Variants in DMXL2 observed in about 807,000 individuals in gnomAD.
DMXL2 encodes Dmx like 2, also known as dmX-like protein 2.
In DMXL2, 103 loss-of-function variants were observed where a neutral mutation model predicts 331.1. That is an observed-to-expected ratio of 0.31 (90% CI 0.27 to 0.37). DMXL2 has a LOEUF of 0.37. Ranked by LOEUF, DMXL2 falls within the 10% of genes least tolerant of loss-of-function variation. The pLI is 1.00. For synonymous variants in DMXL2, 1,281 were observed against 1,252.1 expected (o/e 1.02, Z -0.49); for missense variants, 3,171 against 3,642.9 (o/e 0.87, Z 3.33).
chr15:51,478,676 A>T (rs114975316), intron 25 of DMXL2, among the ~76,000 whole-genome samples: 3,032 of 152,120 alleles, frequency 0.02, 75 homozygotes, highest in East Asian at 0.065. Flanking sequence ...AGTAATATTT[A>T]AAAAAAAGCA....
intron 19 of DMXL2, among the ~76,000 whole-genome samples, chr15:51,494,327 G>C (rs2043012395): frequency 6.6e-6 from 1 of 152,116 alleles, no homozygotes; most frequent in African/African-American, 2.4e-5. Context: ...TAGTGTTCTA[G>C]GTTCTATAAT....
intron 18 of DMXL2, 91 bp from the exon 19 acceptor site, chr15:51,495,225 T>A: frequency 1.4e-6 from 1 of 705,736 alleles, no homozygotes; most frequent in South Asian, 2.0e-5. Flanking sequence ...AACTTAGTCA[T>A]AATTTATATA....
At chr15:51,514,619 C>T in intron 14 of DMXL2, 60 bp from the exon 15 acceptor site, 1 of 943,274 alleles carries the variant, frequency 1.1e-6, no homozygotes, top group South Asian at 1.4e-5. Context: ...CTCCCATCTC[C>T]CATCTGTCAC....
Position 51,471,393 on chromosome 15 carries a change from C to A in DMXL2, c.7222G>T (p.Val2408Phe). 6.3e-7 allele frequency: 1 copy of A among 1,594,894 alleles called. No homozygotes were observed. Among genetic ancestry groups the A allele is most frequent in the Non-Finnish European group, 8.6e-7 (1 of 1,169,582 alleles). ...RQSENISAPP[V>F]LSEDIDKHRR... ...TGTTTATCTATGTCTTCAGAAAGGA[C>A]AGGAGGTGCTAAATGAAGATAGAAG... is the stretch of plus-strand genomic sequence containing the variant. Residue 2408 changes from valine to phenylalanine, a missense_variant, in exon 29 of 44, where the codon GTC (valine) becomes TTC (phenylalanine). By Grantham distance (50) the Val-to-Phe change is conservative. Coordinates refer to ENST00000560891, the MANE Select transcript of DMXL2 (RefSeq NM_001378457.1).
At chr15:51,461,461 T>C (rs1323509028) in intron 33 of DMXL2, among the ~76,000 whole-genome samples, 1 of 152,204 alleles carries the variant, frequency 6.6e-6, no homozygotes, top group African/African-American at 2.4e-5. Context: ...TGATAAATCA[T>C]TAATTTTAAT....
At chr15:51,464,567 G>A (rs758982260) in intron 32 of DMXL2, 108 bp downstream of exon 32, 6 of 854,028 alleles carry the variant, frequency 7.0e-6, no homozygotes, top group African/African-American at 1.7e-5. Context: ...AAATAGGACT[G>A]CAGGTTCAAA....
intron 43 of DMXL2, 24 bp downstream of exon 43, chr15:51,450,105 T>C: frequency 6.2e-7 from 1 of 1,606,388 alleles, no homozygotes; most frequent in Non-Finnish European, 8.5e-7. Context: ...CTTTAGCACA[T>C]TCCAACCTCT....
At position 51,498,688 on chromosome 15, in the gene DMXL2, C is replaced by G. The variant is rs1158888374; in HGVS notation, c.4536G>C (p.Arg1512Ser). Residue 1512 changes from arginine (R) to serine (S), a missense_variant, in exon 18 of 44, where the codon AGG becomes AGC. Physicochemically the swap from Arg to Ser is moderately radical, Grantham distance 110 (BLOSUM62 -1). Transcript: ENST00000560891. The part of the protein sequence containing the change: ...GPAYFGQEHA[R>S]VLSSHLMHSS... Reference sequence around the variant, plus strand: ...AGTGCATAAGATGACTTGAAAGTACCCTTGCATGTTCTTGGCCAAAGTAAG... The same window carrying G: ...AGTGCATAAGATGACTTGAAAGTACGCTTGCATGTTCTTGGCCAAAGTAAG... 6.2e-7 allele frequency: 1 copy of G among 1,614,066 alleles called. No individual in the cohort carries two copies. Among genetic ancestry groups the G allele is most frequent in the Admixed American group, 1.7e-5 (1 of 60,012 alleles).
At chr15:51,498,433 G>C (rs1008979899) in intron 18 of DMXL2, 119 bp downstream of exon 18, 2 of 955,672 alleles carry the variant, frequency 2.1e-6, no homozygotes, top group South Asian at 3.5e-5. Context: ...CTATTAAGGA[G>C]GTCTTTTCCC....
intron 41 of DMXL2, among the ~76,000 whole-genome samples, chr15:51,452,510 T>A (rs1251393544): frequency 2.0e-5 from 3 of 152,010 alleles, no homozygotes; most frequent in Non-Finnish European, 2.9e-5. Flanking sequence ...AACCACTAAT[T>A]ACCAGGAAAA....
At position 51,502,789 on chromosome 15, in the gene DMXL2, T is replaced by C; in HGVS notation, c.2992+17A>G. On this transcript the variant is annotated intron_variant, in intron 17 of 43. Coordinates refer to ENST00000560891, the MANE Select transcript of DMXL2 (RefSeq NM_001378457.1). Reference sequence around the variant, plus strand: ...ATCACTCTGAGCTACCACTGCCCAGTCTTAAAGTGACCTTACCTGCTGAAG... The same window carrying C: ...ATCACTCTGAGCTACCACTGCCCAGCCTTAAAGTGACCTTACCTGCTGAAG... 1 of 1,583,474 alleles carries C rather than the reference T, an allele frequency of 6.3e-7. No homozygotes were observed. Among genetic ancestry groups the C allele is most frequent in the Non-Finnish European group, 8.7e-7 (1 of 1,152,114 alleles).
At chr15:51,523,375 AG>A (rs1360370560) in intron 13 of DMXL2, among the ~76,000 whole-genome samples, 2 of 152,238 alleles carry the variant, frequency 1.3e-5, no homozygotes, top group African/African-American at 4.8e-5. Flanking sequence ...AAATGGCTCA[AG>A]GAAGTCTGGA....
At chr15:51,553,754 G>T (rs1390347035) in intron 6 of DMXL2, among the ~76,000 whole-genome samples, 1 of 149,700 alleles carries the variant, frequency 6.7e-6, no homozygotes, top group African/African-American at 2.5e-5. Context: ...TTCCTTAAAA[G>T]AGTATAGCAC....
At chr15:51,594,346 C>T (rs1288596322) in intron 1 of DMXL2, among the ~76,000 whole-genome samples, 1 of 152,054 alleles carries the variant, frequency 6.6e-6, no homozygotes, top group Non-Finnish European at 1.5e-5. Flanking sequence ...ACACATACAC[C>T]CTCCAAAGAC....
chr15:51,595,978 C>T (rs2052771341), intron 1 of DMXL2, among the ~76,000 whole-genome samples: 1 of 152,118 alleles, frequency 6.6e-6, no homozygotes, highest in Non-Finnish European at 1.5e-5. Flanking sequence ...TAGAAGAAAA[C>T]CTAGGCAATA....
intron 6 of DMXL2, among the ~76,000 whole-genome samples, chr15:51,552,332 C>T (rs1596230361): frequency 2.0e-5 from 3 of 152,154 alleles, no homozygotes; most frequent in African/African-American, 4.8e-5. Flanking sequence ...CAGGACATCA[C>T]TTAAGAGACT....
At chr15:51,472,409 T>A (rs1239101769) in intron 28 of DMXL2, among the ~76,000 whole-genome samples, 2 of 152,224 alleles carry the variant, frequency 1.3e-5, no homozygotes, top group African/African-American at 4.8e-5. Flanking sequence ...TTTTAAAGTG[T>A]ACAATTCAGT....
rs1166049534 is a variant in DMXL2 at position 51,575,225 on chromosome 15, T to C, written c.213+831A>G. Among the ~76,000 whole-genome samples the C allele has an allele frequency of 2.6e-5, 4 of 152,204 alleles. No individual in the cohort carries two copies. In the East Asian group the frequency reaches 7.7e-4, roughly 29 times the overall value. On this transcript the variant is annotated intron_variant, in intron 2 of 43. Coordinates refer to ENST00000560891, the MANE Select transcript of DMXL2 (RefSeq NM_001378457.1). ...GGTATGATAAAGTAACCATAATTTA[T>C]CATTCAGTATAAATTTGTATGATTA...
intron 1 of DMXL2, among the ~76,000 whole-genome samples, chr15:51,577,742 A>T (rs542049248): frequency 2.6e-5 from 4 of 152,226 alleles, no homozygotes; most frequent in Non-Finnish European, 5.9e-5. Context: ...AAGTGGATTC[A>T]TGGAAAAAGC....
Sources: gnomAD v4.1 joint callset for allele counts (sites outside exome capture counted in the v4.1 genomes callset) on GRCh38, gnomAD v4.1.1 for gene constraint, MANE v1.5 for transcripts, NCBI Gene and HGNC (gene_info 2026-07-23, HGNC 2026-07-21) for gene names.